Variants in GIGYF2 observed in about 807,000 individuals in gnomAD.
GIGYF2 encodes GRB10-interacting GYF protein 2.
In GIGYF2, 25 loss-of-function variants were observed where a neutral mutation model predicts 208.1. The observed-to-expected ratio is 0.12, with a 90% CI of 0.09 to 0.17. GIGYF2 has a LOEUF of 0.17. GIGYF2 is among the 10% of genes least tolerant of loss of function. The probability of loss-of-function intolerance (pLI) is 1.00; values close to 1 mark genes in which losing one functional copy is unlikely to be tolerated. For synonymous variants in GIGYF2, 534 were observed against 543.8 expected (o/e 0.98, Z 0.25); for missense variants, 1,302 against 1,579.4 (o/e 0.82, Z 2.98).
rs1699195592 is a variant in GIGYF2, at chr2:232,770,566, ATGAT to A, written c.532+9132_532+9135del. Among the ~76,000 whole-genome samples the A allele has an allele frequency of 2.0e-5, 3 of 151,832 alleles. No individual in the cohort carries two copies. In the South Asian group the frequency reaches 6.3e-4, roughly 32 times the overall value. The stretch of plus-strand genomic sequence containing the variant: ...TGTATTTATTTATGTATTTGACAAA[ATGAT>A]TAGCTTCAGTGAAAACCTCCTTTTA... On this transcript the variant is annotated intron_variant, in intron 8 of 28. Transcript: ENST00000373563.
chr2:232,760,669 G>A (rs527479989), intron 7 of GIGYF2, 78 bp downstream of exon 7: 4 of 855,832 alleles, frequency 4.7e-6, no homozygotes, highest in South Asian at 4.2e-5. Flanking sequence ...GGGGAGAAAT[G>A]TTTTTGTACA....
chr2:232,776,443 AC>A, intron 8 of GIGYF2: 1 of 1,603,270 alleles, frequency 6.2e-7, no homozygotes, highest in Non-Finnish European at 8.5e-7. Flanking sequence ...GCATGTACTC[AC>A]CAGTTCTTTT....
chr2:232,765,243 A>G (rs1698907634), intron 8 of GIGYF2: 2 of 152,200 alleles, frequency 1.3e-5, no homozygotes, highest in Admixed American at 1.3e-4. Flanking sequence ...TCATAATTAT[A>G]TCTTACACTC....
chr2:232,738,035 A>G (rs1337232544), intron 3 of GIGYF2, among the ~76,000 whole-genome samples: 4 of 148,836 alleles, frequency 2.7e-5, no homozygotes, highest in South Asian at 2.1e-4. Flanking sequence ...TTCTCCCTCA[A>G]CCTCCTGAGT....
chr2:232,811,456 C>A, intron 17 of GIGYF2, 105 bp downstream of exon 17: 1 of 748,416 alleles, frequency 1.3e-6, no homozygotes, highest in Non-Finnish European at 2.4e-6. Flanking sequence ...CACTGGAACA[C>A]TCCCAACACA....
At chr2:232,810,537 T>A (rs926813831) in intron 16 of GIGYF2, 4 of 153,328 alleles carry the variant, frequency 2.6e-5, no homozygotes, top group African/African-American at 7.2e-5. Flanking sequence ...TTGCTGTTCT[T>A]GTGGTGCAGA....
intron 1 of GIGYF2, among the ~76,000 whole-genome samples, chr2:232,699,043 C>T (rs994537684): frequency 9.2e-5 from 14 of 152,008 alleles, no homozygotes; most frequent in Non-Finnish European, 4.4e-5. Flanking sequence ...AGGTAAAATA[C>T]TTGATGTAGT....
chr2:232,817,302 A>T (rs1306382634), intron 20 of GIGYF2, among the ~76,000 whole-genome samples: 1 of 152,256 alleles, frequency 6.6e-6, no homozygotes, highest in Non-Finnish European at 1.5e-5. Context: ...CTGTCCTTGC[A>T]TCTAAAAACA....
chr2:232,712,658 A>G (rs1430329729), intron 2 of GIGYF2, among the ~76,000 whole-genome samples: 2 of 152,222 alleles, frequency 1.3e-5, no homozygotes, highest in Non-Finnish European at 2.9e-5. Flanking sequence ...AGCAAATGAG[A>G]TCACAATAGT....
At chr2:232,773,541 C>T (rs1699366872) in intron 8 of GIGYF2, among the ~76,000 whole-genome samples, 1 of 152,028 alleles carries the variant, frequency 6.6e-6, no homozygotes, top group African/African-American at 2.4e-5. Flanking sequence ...ATTGCATTCT[C>T]AAGAAGGTCT....
intron 28 of GIGYF2, among the ~76,000 whole-genome samples, chr2:232,851,112 G>A (rs1195449034): frequency 2.0e-5 from 3 of 152,122 alleles, no homozygotes; most frequent in Non-Finnish European, 4.4e-5. Flanking sequence ...CTTGAGGCCA[G>A]GAGTTTGAGA....
intron 3 of GIGYF2, among the ~76,000 whole-genome samples, chr2:232,746,091 C>G (rs1029834929): frequency 6.6e-6 from 1 of 151,660 alleles, no homozygotes; most frequent in Non-Finnish European, 1.5e-5. Flanking sequence ...GACCCTGTCT[C>G]TACAGAAAAT....
Position 232,791,432 on chromosome 2 carries a change from C to T in GIGYF2, c.1268C>T (p.Pro423Leu), listed in dbSNP as rs34845648. 2.4e-3 allele frequency: 3,810 copies of T among 1,613,586 alleles called. 59 individuals are homozygous for T. In the African/African-American group the frequency reaches 0.044, roughly 19 times the overall value. ...RMENSLPAKV[P>L]SRGDEMVADV... ...GAAAATAGTCTACCAGCCAAAGTGC[C>T]CAGCAGAGGGGATGGTATGTATTTG... Residue 423 changes from proline to leucine, a missense_variant, in exon 12 of 29, where the codon CCC becomes CTC. Physicochemically the swap from Pro to Leu is moderately conservative, Grantham distance 98. Coordinates refer to ENST00000373563, the MANE Select transcript of GIGYF2 (RefSeq NM_001103146.3).
chr2:232,804,349 C>T (rs949270696), intron 14 of GIGYF2, among the ~76,000 whole-genome samples: 3 of 138,916 alleles, frequency 2.2e-5, no homozygotes, highest in African/African-American at 8.0e-5. Flanking sequence ...AGCATGCATT[C>T]TGTACATGTA....
intron 17 of GIGYF2, among the ~76,000 whole-genome samples, chr2:232,811,604 C>T (rs1700736626): frequency 6.6e-6 from 1 of 152,138 alleles, no homozygotes; most frequent in South Asian, 2.1e-4. Flanking sequence ...TCTTGAGAAA[C>T]AGTGTCATCT....
At chr2:232,761,903 T>C (rs1423293670) in intron 8 of GIGYF2, among the ~76,000 whole-genome samples, 2 of 150,900 alleles carry the variant, frequency 1.3e-5, no homozygotes, top group African/African-American at 4.9e-5. Flanking sequence ...CTCAGATAAA[T>C]TGCAGTTAAG....
chr2:232,768,338 T>C (rs1481066504), intron 8 of GIGYF2: 1 of 1,614,198 alleles, frequency 6.2e-7, no homozygotes, highest in Admixed American at 1.7e-5. Context: ...CCATCTTGAT[T>C]TGATATTCAC....
intron 21 of GIGYF2, among the ~76,000 whole-genome samples, chr2:232,827,389 C>T (rs528156137): frequency 2.8e-4 from 42 of 152,250 alleles, no homozygotes; most frequent in African/African-American, 9.9e-4. Flanking sequence ...TAGAGTTCAC[C>T]GTTGAGACCA....
intron 3 of GIGYF2, among the ~76,000 whole-genome samples, chr2:232,738,213 G>A (rs559065970): frequency 3.9e-5 from 6 of 152,008 alleles, no homozygotes; most frequent in Middle Eastern, 3.4e-3. Flanking sequence ...CACTGCGCCC[G>A]GCCAAGGCTT....
Sources: allele counts gnomAD v4.1 joint callset (sites outside exome capture counted in the v4.1 genomes callset), GRCh38; gene constraint gnomAD v4.1.1; transcripts MANE v1.5; gene names NCBI Gene and HGNC (gene_info 2026-07-23, HGNC 2026-07-21).